UBR3: variants seen among roughly 807,000 people sequenced by gnomAD.
UBR3 encodes E3 ubiquitin-protein ligase UBR3.
UBR3 carries 85 observed loss-of-function variants against 243.2 expected under a neutral mutation model. The ratio of observed to expected loss-of-function variants is 0.35; its 90% CI spans 0.29 to 0.42. The LOEUF is 0.42. Ranked by LOEUF, UBR3 falls within the 10% of genes least tolerant of loss-of-function variation. UBR3 has a pLI of 1.00. For synonymous variants in UBR3, 748 were observed against 799.8 expected (o/e 0.94, Z 1.09); for missense variants, 1,686 against 2,300.8 (o/e 0.73, Z 5.47).
intron 8 of UBR3, among the ~76,000 whole-genome samples, chr2:169,903,631 T>C (rs1278630724): frequency 4.6e-5 from 7 of 152,196 alleles, no homozygotes; most frequent in Non-Finnish European, 1.5e-5. Flanking sequence ...CTAAGTTTAA[T>C]GTGTGGAAAT....
intron 1 of UBR3, among the ~76,000 whole-genome samples, chr2:169,834,958 C>T (rs1050187139): frequency 2.6e-5 from 4 of 152,042 alleles, no homozygotes; most frequent in East Asian, 1.9e-4. Context: ...ATGAAGTGCC[C>T]GGAATAGTCA....
intron 6 of UBR3, among the ~76,000 whole-genome samples, chr2:169,891,878 A>C (rs1204702220): frequency 6.6e-6 from 1 of 152,182 alleles, no homozygotes; most frequent in Non-Finnish European, 1.5e-5. Flanking sequence ...TGTTTACTTG[A>C]CTGTCACTAA....
At chr2:169,893,841 G>A (rs999014009) in intron 6 of UBR3, among the ~76,000 whole-genome samples, 2 of 152,104 alleles carry the variant, frequency 1.3e-5, no homozygotes, top group Admixed American at 6.6e-5. Flanking sequence ...GGATTAAGGT[G>A]TGAGCCACTG....
At chr2:170,023,695 C>T (rs994297571) in intron 30 of UBR3, among the ~76,000 whole-genome samples, 10 of 152,128 alleles carry the variant, frequency 6.6e-5, no homozygotes, top group Admixed American at 1.3e-4. Context: ...CGGATTCAAG[C>T]GATTCTCCTG....
intron 8 of UBR3, among the ~76,000 whole-genome samples, chr2:169,904,196 C>A (rs558096665): frequency 3.3e-5 from 5 of 152,018 alleles, no homozygotes; most frequent in African/African-American, 1.2e-4. Context: ...TTCTGTAATA[C>A]CTCTCTGTGC....
intron 6 of UBR3, among the ~76,000 whole-genome samples, chr2:169,894,281 C>T (rs1016002730): frequency 7.8e-6 from 1 of 128,686 alleles, no homozygotes; most frequent in Admixed American, 9.3e-5. Flanking sequence ...TATGATTACG[C>T]CACTGCACTC....
chr2:169,930,381 G>GC (rs2086074885), intron 18 of UBR3, among the ~76,000 whole-genome samples: 1 of 146,146 alleles, frequency 6.8e-6, no homozygotes. Flanking sequence ...GAAATTAGTT[G>GC]TTTTTTTTTT....
At chr2:169,881,977 TTA>T (rs1262971170) in intron 5 of UBR3, among the ~76,000 whole-genome samples, 5 of 61,280 alleles carry the variant, frequency 8.2e-5, no homozygotes, top group African/African-American at 2.1e-4. Context: ...TGTAATTATA[TTA>T]TATATGTATA....
At chr2:169,888,242 A>C (rs2084188322) in intron 5 of UBR3, among the ~76,000 whole-genome samples, 1 of 150,382 alleles carries the variant, frequency 6.6e-6, no homozygotes, top group African/African-American at 2.5e-5. Context: ...GGGTTCAAGC[A>C]ATTCTCCAGC....
At chr2:169,972,483 A>G (rs1228254862) in intron 24 of UBR3, among the ~76,000 whole-genome samples, 1 of 152,248 alleles carries the variant, frequency 6.6e-6, no homozygotes, top group East Asian at 1.9e-4. Flanking sequence ...TTAGATCAAT[A>G]TCCTTGATGA....
intron 24 of UBR3, among the ~76,000 whole-genome samples, chr2:169,982,507 C>T (rs1487311854): frequency 6.6e-6 from 1 of 151,958 alleles, no homozygotes; most frequent in African/African-American, 2.4e-5. Context: ...AGTGTAAACT[C>T]TTGAAGTAGA....
At chr2:169,921,882 T>A (rs2085712510) in intron 11 of UBR3, among the ~76,000 whole-genome samples, 1 of 152,030 alleles carries the variant, frequency 6.6e-6, no homozygotes, top group South Asian at 2.1e-4. Context: ...TCCCAGCTAC[T>A]CAGGAGGCTG....
chr2:170,010,564 C>A (rs188759797), intron 29 of UBR3, among the ~76,000 whole-genome samples: 1 of 152,056 alleles, frequency 6.6e-6, no homozygotes, highest in Non-Finnish European at 1.5e-5. Context: ...AAGTAACTTA[C>A]AGAAAAAAGC....
chr2:169,974,342 T>A (rs2088321956), intron 24 of UBR3, among the ~76,000 whole-genome samples: 1 of 152,180 alleles, frequency 6.6e-6, no homozygotes, highest in Non-Finnish European at 1.5e-5. Flanking sequence ...TCAATCTCAT[T>A]ACTCAATATT....
intron 1 of UBR3, among the ~76,000 whole-genome samples, chr2:169,829,422 GT>G (rs35860819): frequency 7.2e-4 from 96 of 133,740 alleles, no homozygotes; most frequent in African/African-American, 1.2e-3. Flanking sequence ...TAACATTTGA[GT>G]TTTTTTTTTT....
intron 30 of UBR3, among the ~76,000 whole-genome samples, chr2:170,028,911 G>C (rs546627097): frequency 6.6e-6 from 1 of 151,730 alleles, no homozygotes; most frequent in Non-Finnish European, 1.5e-5. Flanking sequence ...AGGTTTAGAG[G>C]GACATACTAG....
chr2:170,076,818 A>G (rs1243352799), intron 36 of UBR3, among the ~76,000 whole-genome samples: 1 of 152,208 alleles, frequency 6.6e-6, no homozygotes, highest in Non-Finnish European at 1.5e-5. Context: ...ATAAGGCTGT[A>G]ATCATTCTGT....
chr2:169,861,638 G>A (rs1470055615), intron 1 of UBR3, among the ~76,000 whole-genome samples: 2 of 150,750 alleles, frequency 1.3e-5, no homozygotes, highest in East Asian at 1.9e-4. Context: ...AAAAAGAAAA[G>A]CCCATGGGCA....
At position 170,069,350 on chromosome 2, in the gene UBR3, C is replaced by T. The variant is rs556110070; in HGVS notation, c.5020-4078C>T. 2.0e-5 allele frequency among the ~76,000 whole-genome samples: 3 copies of T among 151,968 alleles called. No individual in the cohort carries two copies. In the East Asian group the frequency reaches 5.8e-4, roughly 29 times the overall value. On this transcript the variant is annotated intron_variant, in intron 35 of 38. Coordinates refer to ENST00000272793, the MANE Select transcript of UBR3 (RefSeq NM_172070.4). The stretch of plus-strand genomic sequence containing the variant: ...AAGTAAAAATTATATATATAGTATA[C>T]AATATGTAATGTTTTGATATATATG...
Sources: allele counts gnomAD v4.1 joint callset (sites outside exome capture counted in the v4.1 genomes callset), GRCh38; gene constraint gnomAD v4.1.1; transcripts MANE v1.5; gene names NCBI Gene and HGNC (gene_info 2026-07-23, HGNC 2026-07-21).